The following CEP152 variants were observed in gnomAD, a reference collection of about 807,000 sequenced individuals.
CEP152 encodes centrosomal protein of 152 kDa.
In CEP152, 132 loss-of-function variants were observed where a neutral mutation model predicts 188.9. The ratio of observed to expected loss-of-function variants is 0.70; its 90% confidence interval spans 0.61 to 0.81. CEP152 has a LOEUF of 0.81. CEP152 is among the 30% of genes least tolerant of loss of function. CEP152 has a pLI of 0.00. For synonymous variants in CEP152, 649 were observed against 666.6 expected, an observed-to-expected ratio of 0.97 and a Z score of 0.41; for missense variants, 1,914 against 1,969.8, an observed-to-expected ratio of 0.97 and a Z score of 0.54.
intron 9 of CEP152, among the ~76,000 whole-genome samples, chr15:48,788,152 T>G (rs1363522663): frequency 1.3e-5 from 2 of 152,190 alleles, no homozygotes; most frequent in African/African-American, 2.4e-5. Context: ...GCTGGCAGAC[T>G]CATTTGTTTT....
chr15:48,743,719 T>A (rs1025921873), intron 24 of CEP152, among the ~76,000 whole-genome samples: 7 of 152,052 alleles, frequency 4.6e-5, no homozygotes, highest in Non-Finnish European at 1.0e-4. Flanking sequence ...AAAAATTAGC[T>A]GGGTGTGGTG....
intron 26 of CEP152, among the ~76,000 whole-genome samples, chr15:48,740,017 C>T (rs1399537247): frequency 6.6e-6 from 1 of 152,088 alleles, no homozygotes; most frequent in African/African-American, 2.4e-5. Context: ...ACTCATGGAC[C>T]CCTGAACAAT....
At chr15:48,787,996 T>C (rs1488719398) in intron 9 of CEP152, among the ~76,000 whole-genome samples, 1 of 152,182 alleles carries the variant, frequency 6.6e-6, no homozygotes, top group Non-Finnish European at 1.5e-5. Context: ...AATTATACTG[T>C]CCTCAAAATT....
At chr15:48,741,494 C>G in intron 26 of CEP152, 107 bp downstream of exon 26, 3 of 1,593,930 alleles carry the variant, frequency 1.9e-6, no homozygotes, top group South Asian at 2.3e-5. Flanking sequence ...CAAAACTTCA[C>G]AAATTAACTC....
At chr15:48,780,109 G>A (rs1274184508) in intron 12 of CEP152, among the ~76,000 whole-genome samples, 15 of 152,296 alleles carry the variant, frequency 9.8e-5, no homozygotes, top group Non-Finnish European at 7.3e-5. Flanking sequence ...AATTCATGGA[G>A]TACAAATAAA....
chr15:48,741,501 A>T, intron 26 of CEP152, 100 bp downstream of exon 26: 1 of 1,600,642 alleles, frequency 6.2e-7, no homozygotes, highest in Non-Finnish European at 8.5e-7. Flanking sequence ...TCACAAATTA[A>T]CTCTCACTCC....
At chr15:48,776,322 A>G (rs1350013570) in intron 12 of CEP152, among the ~76,000 whole-genome samples, 1 of 152,184 alleles carries the variant, frequency 6.6e-6, no homozygotes, top group Non-Finnish European at 1.5e-5. Context: ...ATAAATGAAA[A>G]CAGTGACAGA....
chr15:48,783,938 C>T (rs2140851168), intron 10 of CEP152, 35 bp downstream of exon 10: 1 of 1,612,850 alleles, frequency 6.2e-7, no homozygotes, highest in Middle Eastern at 1.7e-4. Flanking sequence ...TTGAACCAAC[C>T]TTCTGGGGAG....
At chr15:48,751,792 T>C (rs2306184) in intron 21 of CEP152, among the ~76,000 whole-genome samples, 37,599 of 151,996 alleles carry the variant, frequency 0.25, 6,798 homozygotes, top group African/African-American at 0.5. Context: ...CAGTAAGCTC[T>C]GAATACAAGC....
chr15:48,745,229 G>A (rs1431884479), intron 22 of CEP152, among the ~76,000 whole-genome samples: 1 of 151,856 alleles, frequency 6.6e-6, no homozygotes, highest in Non-Finnish European at 1.5e-5. Flanking sequence ...CTGGAATTGG[G>A]TTTCAACTGT....
intron 9 of CEP152, among the ~76,000 whole-genome samples, chr15:48,786,048 C>T (rs1412377109): frequency 6.6e-6 from 1 of 151,352 alleles, no homozygotes; most frequent in Non-Finnish European, 1.5e-5. Context: ...GTGGGAGTCT[C>T]TAAGCCAACA....
At chr15:48,775,878 T>A (rs1368996294) in intron 12 of CEP152, among the ~76,000 whole-genome samples, 1 of 151,672 alleles carries the variant, frequency 6.6e-6, no homozygotes, top group Admixed American at 6.6e-5. Flanking sequence ...ATTCTTTAAG[T>A]GGGTGTCTTT....
At chr15:48,748,360 C>A in intron 22 of CEP152, 83 bp downstream of exon 22, 1 of 1,421,816 alleles carries the variant, frequency 7.0e-7, no homozygotes, top group Non-Finnish European at 9.2e-7. Context: ...TCAGTGCACA[C>A]ATTAACTAAA....
chr15:48,801,113 G>A (rs1897641784), intron 2 of CEP152, among the ~76,000 whole-genome samples: 2 of 152,122 alleles, frequency 1.3e-5, no homozygotes, highest in Non-Finnish European at 2.9e-5. Context: ...GTAGCAAATG[G>A]AATACCTAAC....
intron 5 of CEP152, 114 bp downstream of exon 5, chr15:48,797,187 G>A (rs549859651): frequency 2.8e-5 from 34 of 1,221,076 alleles, no homozygotes; most frequent in South Asian, 2.1e-4. Flanking sequence ...TCAGAACTTC[G>A]TGTGGTTAAA....
intron 2 of CEP152, among the ~76,000 whole-genome samples, chr15:48,732,047 G>A (rs371244610): frequency 3.9e-5 from 6 of 152,342 alleles, no homozygotes; most frequent in African/African-American, 1.4e-4. Flanking sequence ...TTGCTGGCGA[G>A]GTTGAGGAGA....
chr15:48,808,821 C>G (rs1898157148), intron 1 of CEP152, among the ~76,000 whole-genome samples: 1 of 151,980 alleles, frequency 6.6e-6, no homozygotes, highest in South Asian at 2.1e-4. Flanking sequence ...AATACTATGC[C>G]ACTAGTAAAA....
intron 2 of CEP152, among the ~76,000 whole-genome samples, chr15:48,732,204 A>C (rs1485074458): frequency 6.6e-6 from 1 of 152,262 alleles, no homozygotes; most frequent in Non-Finnish European, 1.5e-5. Flanking sequence ...AAGGATTATG[A>C]ATCAATCTGC....
In CEP152 at chr15:48,781,241, T is replaced by A; in HGVS notation, c.1532A>T (p.Asp511Val). Residue 511 changes from aspartate to valine, a missense_variant, in exon 12 of 27, where the codon GAT becomes GTT. Physicochemically the swap from Asp to Val is radical, Grantham distance 152. Coordinates refer to ENST00000380950, the MANE Select transcript of CEP152 (RefSeq NM_001194998.2). ...CCAGTTGACCTTTTTAATACCCAAA[T>A]CCACATACGATTCAGTGAGTTCTAT... Reference protein sequence around the residue: ...LNIELTESYVDLGIKKVNWKK... With the variant: ...LNIELTESYVVLGIKKVNWKK... 1.2e-6 allele frequency: 2 copies of A among 1,613,618 alleles called. No homozygotes were observed. Among genetic ancestry groups the A allele is most frequent in the Middle Eastern group, 1.7e-4 (1 of 6,052 alleles).
Sources: allele counts gnomAD v4.1 joint callset (sites outside exome capture counted in the v4.1 genomes callset), GRCh38; gene constraint gnomAD v4.1.1; transcripts MANE v1.5; gene names NCBI Gene and HGNC (gene_info 2026-07-23, HGNC 2026-07-21).